Variants in SOX5 observed in about 807,000 individuals in gnomAD.
The protein encoded by SOX5 is transcription factor SOX-5.
In SOX5, 9 loss-of-function variants were observed where a neutral mutation model predicts 92.0. That is an observed-to-expected ratio of 0.10 (90% CI 0.06 to 0.17). The LOEUF (loss-of-function observed/expected upper bound fraction) is 0.17, where lower values mean the gene tolerates loss of function less well. SOX5 is among the 10% of genes least tolerant of loss of function. The pLI is 1.00. For missense variants in SOX5, 642 were observed against 944.5 expected (o/e 0.68, Z 4.20); for synonymous variants, 344 against 336.3 (o/e 1.02, Z -0.25).
intron 4 of SOX5, among the ~76,000 whole-genome samples, chr12:24,017,224 C>G: frequency 6.6e-6 from 1 of 152,202 alleles, no homozygotes; most frequent in East Asian, 1.9e-4. Flanking sequence ...ATTTCTTTCT[C>G]AGAAGCTCCC....
chr12:24,385,380 G>A (rs1029367399), intron 1 of SOX5, among the ~76,000 whole-genome samples: 1 of 152,134 alleles, frequency 6.6e-6, no homozygotes, highest in African/African-American at 2.4e-5. Context: ...GGTAAATTAG[G>A]CTAGCTATGA....
intron 1 of SOX5, among the ~76,000 whole-genome samples, chr12:24,387,474 C>A (rs1437767224): frequency 6.6e-6 from 1 of 152,148 alleles, no homozygotes; most frequent in Non-Finnish European, 1.5e-5. Flanking sequence ...GATACCCCTG[C>A]TGTAGATCCT....
intron 3 of SOX5, among the ~76,000 whole-genome samples, chr12:24,272,678 C>T (rs372449978): frequency 3.9e-5 from 6 of 152,008 alleles, no homozygotes; most frequent in African/African-American, 9.6e-5. Flanking sequence ...TATTATCAAA[C>T]CTCGTATTTC....
intron 4 of SOX5, among the ~76,000 whole-genome samples, chr12:24,085,098 C>T (rs1943813973): frequency 9.5e-6 from 1 of 104,772 alleles, no homozygotes; most frequent in South Asian, 3.3e-4. Context: ...GCATGGCTGA[C>T]GTATACAGCC....
At chr12:24,486,166 G>C (rs1019063475) in intron 1 of SOX5, among the ~76,000 whole-genome samples, 1 of 152,068 alleles carries the variant, frequency 6.6e-6, no homozygotes, top group South Asian at 2.1e-4. Flanking sequence ...CGAACTCCTG[G>C]CCTTAAGCGA....
At chr12:24,254,718 AATATATAT>A (rs10556060) in intron 3 of SOX5, among the ~76,000 whole-genome samples, 61 of 146,688 alleles carry the variant, frequency 4.2e-4, no homozygotes, top group African/African-American at 1.6e-3. Flanking sequence ...GGGCTGCTCA[AATATATAT>A]ATATATATAT....
chr12:24,089,233 T>C (rs921601502), intron 4 of SOX5, among the ~76,000 whole-genome samples: 1 of 152,132 alleles, frequency 6.6e-6, no homozygotes, highest in African/African-American at 2.4e-5. Context: ...CCTCCATATA[T>C]AGGAAAGAGC....
chr12:24,006,831 T>G (rs185217523), intron 4 of SOX5, among the ~76,000 whole-genome samples: 1 of 152,006 alleles, frequency 6.6e-6, no homozygotes, highest in South Asian at 2.1e-4. Context: ...TCTTAGCTGA[T>G]TGGCATTAAT....
intron 1 of SOX5, among the ~76,000 whole-genome samples, chr12:24,503,900 C>A (rs1350855824): frequency 6.6e-6 from 1 of 151,948 alleles, no homozygotes; most frequent in Non-Finnish European, 1.5e-5. Flanking sequence ...TGCAGCAAAC[C>A]ACCATGGCAC....
chr12:24,007,150 T>C (rs1952296190), intron 4 of SOX5, among the ~76,000 whole-genome samples: 4 of 76,296 alleles, frequency 5.2e-5, no homozygotes, highest in Non-Finnish European at 1.1e-4. Flanking sequence ...AATATATATA[T>C]ATATATATAT....
At chr12:24,032,522 A>C (rs11047219) in intron 4 of SOX5, among the ~76,000 whole-genome samples, 9,563 of 151,918 alleles carry the variant, frequency 0.063, 420 homozygotes, top group Non-Finnish European at 0.096. Flanking sequence ...AAAATCTATA[A>C]TTATAGGTAA....
intron 11 of SOX5, among the ~76,000 whole-genome samples, chr12:23,562,946 A>C (rs1946466911): frequency 6.6e-6 from 1 of 152,224 alleles, no homozygotes; most frequent in African/African-American, 2.4e-5. Flanking sequence ...CAAGTTAAGC[A>C]TCTCTGAAAA....
intron 4 of SOX5, among the ~76,000 whole-genome samples, chr12:24,155,261 G>C (rs1239855528): frequency 2.0e-5 from 3 of 152,058 alleles, no homozygotes; most frequent in African/African-American, 4.8e-5. Context: ...ATACCCTGCT[G>C]GTAGTAGGGG....
intron 6 of SOX5, among the ~76,000 whole-genome samples, chr12:23,708,364 G>T (rs1334780264): frequency 6.6e-6 from 1 of 151,066 alleles, no homozygotes; most frequent in Non-Finnish European, 1.5e-5. Flanking sequence ...AAAGTGTGGA[G>T]AACAGAAGAA....
chr12:24,363,218 C>T lies in SOX5; in HGVS notation c.-174+5345G>A, dbSNP rs76925385. On this transcript the variant is annotated intron_variant, in intron 2 of 4. Coordinates refer to the SOX5 transcript ENST00000446891. ...CGCTGCTTTTTCCCCTTTTCTCTCT[C>T]ACCAGACTCTTGGTTTTACTGAGCA... Among the ~76,000 whole-genome samples, 488 of 152,116 alleles carry T rather than the reference C, an allele frequency of 3.2e-3. 4 individuals are homozygous for T. The highest frequency in any genetic ancestry group is 0.011 in the African/African-American group (463 of 41,510).
intron 11 of SOX5, among the ~76,000 whole-genome samples, chr12:23,557,246 C>G (rs769598188): frequency 2.6e-5 from 4 of 152,110 alleles, no homozygotes; most frequent in Non-Finnish European, 5.9e-5. Context: ...AAAAATGAAA[C>G]TACTGTCATT....
rs1419855577 is a variant in SOX5, at chr12:23,979,942, T to TAGACAGAC, written c.-1-83919_-1-83918insGTCTGTCT. Among the ~76,000 whole-genome samples, 8 of 89,428 alleles carry TAGACAGAC rather than the reference T, an allele frequency of 8.9e-5. No individual in the cohort carries two copies. In the East Asian group the frequency reaches 1.1e-3, roughly 13 times the overall value. The allele number at this position is 89,428 out of a possible 152,430, so 58.7% of individuals were successfully genotyped here. ...ACAGACAGACAGACAGACAGATAGA[T>TAGACAGAC]AGATAGATAGACAGACAGACAGATA... is the stretch of plus-strand genomic sequence containing the variant. On this transcript the variant is annotated intron_variant, in intron 4 of 4. Coordinates refer to the SOX5 transcript ENST00000446891.
intron 1 of SOX5, among the ~76,000 whole-genome samples, chr12:24,450,446 T>G (rs1045945224): frequency 6.6e-6 from 1 of 152,008 alleles, no homozygotes; most frequent in Non-Finnish European, 1.5e-5. Flanking sequence ...AAATGGGATA[T>G]CCATTACTTC....
At chr12:23,619,641 C>G (rs1360906103) in intron 8 of SOX5, among the ~76,000 whole-genome samples, 1 of 152,058 alleles carries the variant, frequency 6.6e-6, no homozygotes, top group Non-Finnish European at 1.5e-5. Context: ...CTGGGCTCTT[C>G]TGATAAAAAG....
Sources: gnomAD v4.1 joint callset for allele counts (sites outside exome capture counted in the v4.1 genomes callset) on GRCh38, gnomAD v4.1.1 for gene constraint, MANE v1.5 for transcripts, NCBI Gene and HGNC (gene_info 2026-07-23, HGNC 2026-07-21) for gene names.